Variants in SLC25A21 observed in about 807,000 individuals in gnomAD.
The protein encoded by SLC25A21 is solute carrier family 25 member 21, also known as mitochondrial 2-oxodicarboxylate carrier.
A neutral mutation model predicts 43.8 loss-of-function variants in SLC25A21; 47 were observed. The observed-to-expected ratio is 1.07, with a 90% CI of 0.85 to 1.37. SLC25A21 has a LOEUF of 1.37. Ranked by LOEUF, SLC25A21 falls within the 40% of genes most tolerant of loss-of-function variation. SLC25A21 has a pLI of 0.00. For synonymous variants in SLC25A21, 131 were observed against 121.3 expected, an observed-to-expected ratio of 1.08 and a Z score of -0.52; for missense variants, 352 against 350.2, an observed-to-expected ratio of 1.00 and a Z score of -0.04.
intron 1 of SLC25A21, among the ~76,000 whole-genome samples, chr14:36,942,688 C>T (rs1308446939): frequency 6.6e-6 from 1 of 152,120 alleles, no homozygotes; most frequent in Non-Finnish European, 1.5e-5. Context: ...GTGCAATTTT[C>T]TTTTCCCTTG....
intron 7 of SLC25A21, among the ~76,000 whole-genome samples, chr14:36,707,913 A>G (rs535553502): frequency 6.6e-6 from 1 of 152,206 alleles, no homozygotes; most frequent in African/African-American, 2.4e-5. Flanking sequence ...TCACTGAAGC[A>G]CAGGAGTTCA....
At chr14:36,930,858 A>G (rs918905111) in intron 1 of SLC25A21, among the ~76,000 whole-genome samples, 1 of 152,156 alleles carries the variant, frequency 6.6e-6, no homozygotes, top group Non-Finnish European at 1.5e-5. Flanking sequence ...ACCTTCTTGT[A>G]ACTGGCTGAG....
intron 1 of SLC25A21, among the ~76,000 whole-genome samples, chr14:36,934,720 AAGAGAGAG>A (rs71124785): frequency 1.2e-4 from 18 of 150,656 alleles, no homozygotes; most frequent in African/African-American, 1.9e-4. Context: ...ACACAGAGAA[AAGAGAGAG>A]AGAGAGAGAG....
At chr14:36,814,427 G>T (rs1446083489) in intron 2 of SLC25A21, among the ~76,000 whole-genome samples, 1 of 152,014 alleles carries the variant, frequency 6.6e-6, no homozygotes, top group South Asian at 2.1e-4. Flanking sequence ...ATACAGAGTA[G>T]CCTGACTAAT....
chr14:37,103,428 T>C (rs1594794714), intron 1 of SLC25A21, among the ~76,000 whole-genome samples: 1 of 152,220 alleles, frequency 6.6e-6, no homozygotes, highest in Non-Finnish European at 1.5e-5. Context: ...GGTTTCAGAA[T>C]AAATATAGTC....
chr14:36,994,044 A>G (rs1960320673), intron 1 of SLC25A21, among the ~76,000 whole-genome samples: 1 of 152,178 alleles, frequency 6.6e-6, no homozygotes, highest in Non-Finnish European at 1.5e-5. Flanking sequence ...GTAACCCTAG[A>G]GATTAGTAAC....
At chr14:36,835,396 A>G (rs868494039) in intron 2 of SLC25A21, among the ~76,000 whole-genome samples, 1 of 152,192 alleles carries the variant, frequency 6.6e-6, no homozygotes, top group Admixed American at 6.5e-5. Flanking sequence ...ACACGAGATA[A>G]GATCTTCTCA....
At chr14:36,934,717 GAA>G (rs759574538) in intron 1 of SLC25A21, among the ~76,000 whole-genome samples, 32 of 97,802 alleles carry the variant, frequency 3.3e-4, no homozygotes, top group Non-Finnish European at 6.2e-4. Context: ...CACACACAGA[GAA>G]AAGAGAGAGA....
intron 1 of SLC25A21, among the ~76,000 whole-genome samples, chr14:37,149,143 T>G (rs544766776): frequency 2.2e-5 from 3 of 135,918 alleles, no homozygotes; most frequent in South Asian, 2.1e-4. Context: ...ATCACCACTG[T>G]TTTTTTTTAA....
At chr14:36,902,818 A>C (rs181930508) in intron 1 of SLC25A21, among the ~76,000 whole-genome samples, 4 of 152,124 alleles carry the variant, frequency 2.6e-5, no homozygotes, top group African/African-American at 9.6e-5. Context: ...GCATCTCTAC[A>C]AAAAATAAGA....
chr14:36,739,067 GCTT>G (rs1177799501), intron 3 of SLC25A21, among the ~76,000 whole-genome samples: 1 of 152,058 alleles, frequency 6.6e-6, no homozygotes, highest in Non-Finnish European at 1.5e-5. Context: ...ATACTGTATA[GCTT>G]TTTTTAAAAC....
intron 1 of SLC25A21, among the ~76,000 whole-genome samples, chr14:37,148,745 A>G (rs1963710052): frequency 6.6e-6 from 1 of 152,192 alleles, no homozygotes; most frequent in South Asian, 2.1e-4. Context: ...TCTCTTCCTT[A>G]GAGGGGCTCA....
rs139394110 is a variant in SLC25A21, at chr14:36,705,775, C to T, written c.603+5543G>A. Among the ~76,000 whole-genome samples, 674 of 152,232 alleles carry T rather than the reference C, an allele frequency of 4.4e-3. 6 individuals carry two copies. Among genetic ancestry groups the T allele is most frequent in the African/African-American group, 0.015 (623 of 41,532 alleles). Reference sequence around the variant, plus strand: ...GAATTATCCCATGCCAGTCAGAGTGCGTGAAATCTCAGATTTCCTTGGAAC... The same window carrying T: ...GAATTATCCCATGCCAGTCAGAGTGTGTGAAATCTCAGATTTCCTTGGAAC... On this transcript the variant is annotated intron_variant, in intron 7 of 9. Transcript: ENST00000331299.
chr14:37,163,155 GGGGGA>G (rs1302712339), intron 1 of SLC25A21, among the ~76,000 whole-genome samples: 1 of 151,544 alleles, frequency 6.6e-6, no homozygotes, highest in East Asian at 1.9e-4. Context: ...GTGGGGGGAT[GGGGGA>G]GGGATAGCAT....
At position 36,792,952 on chromosome 14, in the gene SLC25A21, A is replaced by G. The variant is rs140747618; in HGVS notation, c.203+20966T>C. 6.6e-4 allele frequency among the ~76,000 whole-genome samples: 101 copies of G among 152,198 alleles called. 1 individual carries two copies. The highest frequency in any genetic ancestry group is 3.4e-3 in the Middle Eastern group (1 of 294). On this transcript the variant is annotated intron_variant, in intron 3 of 9. Transcript: ENST00000331299. ...ACATCTTAAAAGCAGTCCTCACCAC[A>G]TATCTCTTCCTCAAACATCCCTCTC...
chr14:36,971,931 A>G (rs1959759780), intron 1 of SLC25A21, among the ~76,000 whole-genome samples: 1 of 152,184 alleles, frequency 6.6e-6, no homozygotes, highest in African/African-American at 2.4e-5. Flanking sequence ...TTGTGTTAAG[A>G]AGAGGACACA....
Position 37,138,170 on chromosome 14 carries a change from G to A in SLC25A21, c.70+34111C>T, listed in dbSNP as rs137997606. ...CCCCTAAACACGCATTTATTCCCAG[G>A]TGACTATTTAAAAAGCAACTCAAGA... On this transcript the variant is annotated intron_variant, in intron 1 of 9. Coordinates refer to ENST00000331299, the MANE Select transcript of SLC25A21 (RefSeq NM_030631.4). 2.1e-3 allele frequency among the ~76,000 whole-genome samples: 318 copies of A among 152,106 alleles called. 5 individuals are homozygous for A. The highest frequency in any genetic ancestry group is 0.018 in the South Asian group (86 of 4,824).
chr14:37,157,766 A>G (rs1963875538), intron 1 of SLC25A21, among the ~76,000 whole-genome samples: 1 of 152,228 alleles, frequency 6.6e-6, no homozygotes, highest in South Asian at 2.1e-4. Context: ...TGAAATAGAG[A>G]CAAAGAAAAC....
In SLC25A21 at chr14:37,172,364, G is replaced by C. The variant is rs559341974; in HGVS notation, c.-14C>G. The C allele has an allele frequency of 3.8e-6, 6 of 1,589,344 alleles. No individual in the cohort carries two copies. In the African/African-American group the frequency reaches 8.1e-5, roughly 21 times the overall value. On this transcript the variant is annotated 5_prime_UTR_variant, in exon 1 of 10. Transcript: ENST00000331299. The stretch of plus-strand genomic sequence containing the variant: ...CTTGGCGGACATCTTCGCCAGGCGG[G>C]AGGACAAGGGAGTGGGCTGAGATGC...
Sources: gnomAD v4.1 joint callset for allele counts (sites outside exome capture counted in the v4.1 genomes callset) on GRCh38, gnomAD v4.1.1 for gene constraint, MANE v1.5 for transcripts, NCBI Gene and HGNC (gene_info 2026-07-23, HGNC 2026-07-21) for gene names.